The following FYCO1 variants were observed in gnomAD, a reference collection of about 807,000 sequenced individuals.
The protein encoded by FYCO1 is FYVE and coiled-coil domain-containing protein 1.
A neutral mutation model predicts 165.1 loss-of-function variants in FYCO1; 122 were observed. The ratio of observed to expected loss-of-function variants is 0.74; its 90% CI spans 0.64 to 0.86. FYCO1 has a LOEUF of 0.86. FYCO1 is among the 40% of genes least tolerant of loss of function. The probability of loss-of-function intolerance (pLI) is 0.00; values close to 1 mark genes in which losing one functional copy is unlikely to be tolerated. For missense variants in FYCO1, 1,702 were observed against 1,810.3 expected (o/e 0.94, Z 1.09); for synonymous variants, 648 against 742.5 (o/e 0.87, Z 2.07).
Position 45,966,985 on chromosome 3 carries a change from C to T in FYCO1, c.2349G>A (p.Gly783=). Residue 783 remains glycine (G), a synonymous_variant, in exon 8 of 18, where the codon GGG becomes GGA. Transcript: ENST00000296137. ...LSQAQLEVHQ[G]EVQRLQAQVV... ...CCTGAGCCTGCAGCCGTTGGACCTC[C>T]CCCTGATGGACTTCCAGCTGCGCCT... is the stretch of plus-strand genomic sequence containing the variant. 1.9e-6 allele frequency: 3 copies of T among 1,613,242 alleles called. No individual in the cohort carries two copies. The highest frequency in any genetic ancestry group is 2.5e-6 in the Non-Finnish European group (3 of 1,180,004).
At chr3:45,944,317 C>T (rs903723430) in intron 14 of FYCO1, among the ~76,000 whole-genome samples, 1 of 152,008 alleles carries the variant, frequency 6.6e-6, no homozygotes, top group Non-Finnish European at 1.5e-5. Flanking sequence ...ATTTTATATC[C>T]TTTTGACATC....
rs1703097549 is a variant in FYCO1, at chr3:45,921,665, T to C, written c.*100A>G. The stretch of plus-strand genomic sequence containing the variant: ...AGGGGCAGCCCAGGGGCTGAGTTGA[T>C]GATTTTGGAGCAGCTGACTTTTTAA... On this transcript the variant is annotated 3_prime_UTR_variant, in exon 18 of 18. Transcript: ENST00000296137. 3 of 845,944 alleles carry C rather than the reference T, an allele frequency of 3.5e-6. No homozygotes were observed. The highest frequency in any genetic ancestry group is 3.4e-5 in the African/African-American group (2 of 59,386). The allele number at this position is 845,944 out of a possible 1,614,324, so 52.4% of individuals were successfully genotyped here. A position where few individuals can be genotyped will look rare whatever the true frequency, so the allele number is the denominator to read the frequency against.
intron 6 of FYCO1, 95 bp from the exon 7 acceptor site, chr3:45,969,860 G>C: frequency 2.1e-6 from 2 of 934,666 alleles, no homozygotes; most frequent in Non-Finnish European, 3.3e-6. Flanking sequence ...TGGTGGTAGG[G>C]GGCTGCCTTC....
intron 14 of FYCO1, among the ~76,000 whole-genome samples, chr3:45,941,692 A>G (rs1704236544): frequency 6.6e-6 from 1 of 152,242 alleles, no homozygotes; most frequent in Non-Finnish European, 1.5e-5. Flanking sequence ...CCATATTGAC[A>G]TGTACACACA....
At chr3:45,972,515 A>G (rs575596748) in intron 6 of FYCO1, among the ~76,000 whole-genome samples, 1 of 152,362 alleles carries the variant, frequency 6.6e-6, no homozygotes, top group African/African-American at 2.4e-5. Flanking sequence ...GCTGCCCACC[A>G]GCTAGGTGAC....
rs150291219 is a variant in FYCO1 at position 45,975,694 on chromosome 3, T to C, written c.289-349A>G. On this transcript the variant is annotated intron_variant, in intron 4 of 17. Coordinates refer to ENST00000296137, the MANE Select transcript of FYCO1 (RefSeq NM_024513.4). ...CAGAATCTCTGGGTTTGGAGTCAGA[T>C]AGGAACCAAATAAAACTCAGTTTTA... Among the ~76,000 whole-genome samples, 29 of 152,312 alleles carry C rather than the reference T, an allele frequency of 1.9e-4. No homozygotes were observed. In the East Asian group the frequency reaches 5.0e-3, roughly 26 times the overall value.
chr3:45,949,595 T>C (rs4683156), intron 14 of FYCO1, among the ~76,000 whole-genome samples: 52,098 of 152,102 alleles, frequency 0.34, 10,658 homozygotes, highest in East Asian at 0.66. Context: ...CAAGCCCTGG[T>C]TCACCACCTA....
intron 14 of FYCO1, among the ~76,000 whole-genome samples, chr3:45,953,881 T>G (rs1234866740): frequency 6.6e-6 from 1 of 152,258 alleles, no homozygotes; most frequent in Non-Finnish European, 1.5e-5. Context: ...AAGGAACCTC[T>G]GAGAGGGCGC....
chr3:45,947,492 C>T (rs1344033840), intron 14 of FYCO1: 13 of 1,613,434 alleles, frequency 8.1e-6, no homozygotes, highest in African/African-American at 2.7e-5. Context: ...TGGAGGCCAC[C>T]AGCATGTTCC....
At chr3:45,963,389 C>T (rs1705812186) in intron 10 of FYCO1, among the ~76,000 whole-genome samples, 1 of 152,188 alleles carries the variant, frequency 6.6e-6, no homozygotes. Context: ...GTCATATGAA[C>T]ATGACTTAAC....
intron 14 of FYCO1, among the ~76,000 whole-genome samples, chr3:45,939,938 G>A (rs1704124969): frequency 6.6e-6 from 1 of 152,210 alleles, no homozygotes; most frequent in African/African-American, 2.4e-5. Context: ...TGGACTGGTG[G>A]CCACTGTGTT....
At chr3:45,946,573 A>T (rs1704621586) in intron 14 of FYCO1, 1 of 1,614,080 alleles carries the variant, frequency 6.2e-7, no homozygotes, top group African/African-American at 1.3e-5. Flanking sequence ...CAGTTCAGCA[A>T]GGTCTTTCTG....
intron 14 of FYCO1, chr3:45,938,247 A>G: frequency 7.8e-7 from 1 of 1,289,156 alleles, no homozygotes; most frequent in South Asian, 1.2e-5. Context: ...GCTGGCCCCG[A>G]CAGACGCCCT....
intron 1 of FYCO1, among the ~76,000 whole-genome samples, chr3:45,985,521 A>G (rs1436946342): frequency 1.3e-5 from 2 of 152,210 alleles, no homozygotes; most frequent in Non-Finnish European, 2.9e-5. Flanking sequence ...GGAGAGGATG[A>G]GGACACATAC....
chr3:45,931,778 G>A (rs1262760884), intron 15 of FYCO1, among the ~76,000 whole-genome samples: 1 of 152,206 alleles, frequency 6.6e-6, no homozygotes, highest in Admixed American at 6.5e-5. Flanking sequence ...CTTCTCAGCT[G>A]CATCTGGCGT....
At chr3:45,977,906 A>C (rs1373731001) in intron 4 of FYCO1, among the ~76,000 whole-genome samples, 1 of 152,140 alleles carries the variant, frequency 6.6e-6, no homozygotes, top group African/African-American at 2.4e-5. Flanking sequence ...CCAGCAACTC[A>C]CTTAGCCTAG....
At chr3:45,994,218 C>CAAAAAA (rs11328676) in intron 1 of FYCO1, among the ~76,000 whole-genome samples, 1 of 136,912 alleles carries the variant, frequency 7.3e-6, no homozygotes, top group Admixed American at 7.0e-5. Context: ...AAAGTAACTG[C>CAAAAAA]AAAAAAAAAA....
intron 14 of FYCO1, among the ~76,000 whole-genome samples, chr3:45,942,761 G>A (rs1338872482): frequency 2.0e-5 from 3 of 152,188 alleles, no homozygotes; most frequent in African/African-American, 7.2e-5. Context: ...GGAATTCCAG[G>A]AGTACAGAGG....
chr3:45,955,137 C>G, intron 14 of FYCO1, 112 bp downstream of exon 14: 2 of 1,282,918 alleles, frequency 1.6e-6, no homozygotes, highest in South Asian at 1.2e-5. Flanking sequence ...TTCCCTTAGG[C>G]AAGGACAGTC....
Sources: allele counts gnomAD v4.1 joint callset (sites outside exome capture counted in the v4.1 genomes callset), GRCh38; gene constraint gnomAD v4.1.1; transcripts MANE v1.5; gene names NCBI Gene and HGNC (gene_info 2026-07-23, HGNC 2026-07-21).